The following TERF2IP variants were observed in gnomAD, a reference collection of about 807,000 sequenced individuals.
TERF2IP encodes the protein telomeric repeat-binding factor 2-interacting protein 1.
Under a neutral mutation model 33.3 loss-of-function variants are expected in TERF2IP, and 35 were observed. The observed-to-expected ratio is 1.05, with a 90% CI of 0.80 to 1.39. The LOEUF (loss-of-function observed/expected upper bound fraction) is 1.39, where lower values mean the gene tolerates loss of function less well. Among genes scored for constraint, TERF2IP ranks in the 40% most tolerant of loss-of-function variants. The pLI is 0.00. For synonymous variants in TERF2IP, 253 were observed against 223.2 expected, an observed-to-expected ratio of 1.13 and a Z score of -1.19; for missense variants, 583 against 524.8, an observed-to-expected ratio of 1.11 and a Z score of -1.08.
chr16:75,654,084 G>T (rs1385286811), intron 1 of TERF2IP, among the ~76,000 whole-genome samples, 189 bp from the exon 2 acceptor site: 1 of 150,182 alleles, frequency 6.7e-6, no homozygotes, highest in Non-Finnish European at 1.5e-5. Context: ...CATAGAAATG[G>T]GTGAATGAGC....
Position 75,656,044 on chromosome 16 carries a change from A to G in TERF2IP, c.796-163A>G, listed in dbSNP as rs1252037445. On this transcript the variant is annotated intron_variant, in intron 2 of 2. Coordinates refer to ENST00000300086, the MANE Select transcript of TERF2IP (RefSeq NM_018975.4). Reference sequence around the variant, plus strand: ...GTGTACATATACATACACATCTGACATGAATAAATGTAAGAAGGAACACAG... The same window carrying G: ...GTGTACATATACATACACATCTGACGTGAATAAATGTAAGAAGGAACACAG... Among the ~76,000 whole-genome samples the G allele has an allele frequency of 2.6e-5, 4 of 152,264 alleles. No homozygotes were observed. The South Asian group carries it at 6.2e-4, about 24-fold the overall frequency.
intron 1 of TERF2IP, among the ~76,000 whole-genome samples, chr16:75,649,126 CAA>C (rs1056672991): frequency 1.3e-5 from 2 of 152,214 alleles, no homozygotes; most frequent in African/African-American, 4.8e-5. Context: ...CTCGGTGTCC[CAA>C]AGTGTTGGGA....
At chr16:75,648,949 C>T (rs1020314618) in intron 1 of TERF2IP, among the ~76,000 whole-genome samples, 5 of 151,980 alleles carry the variant, frequency 3.3e-5, no homozygotes, top group African/African-American at 1.2e-4. Context: ...GCATCCTGGA[C>T]CTCCTGGGCT....
chr16:75,648,761 C>T, intron 1 of TERF2IP: 1 of 1,378,450 alleles, frequency 7.3e-7, no homozygotes, highest in Non-Finnish European at 9.5e-7. Context: ...GTCTCTGTTA[C>T]CTAAGCTGGT....
chr16:75,656,372 T>G lies in TERF2IP; in HGVS notation c.961T>G (p.Leu321Val). The G allele has an allele frequency of 9.9e-6, 16 of 1,614,114 alleles. No homozygotes were observed. The highest frequency in any genetic ancestry group is 1.4e-5 in the Non-Finnish European group (16 of 1,180,010). Residue 321 changes from leucine to valine, a missense_variant, in exon 3 of 3, where the codon TTA becomes GTA. Physicochemically the swap from Leu to Val is conservative, Grantham distance 32. Transcript: ENST00000300086. ...AGCTGCCATTAAGATCATTCGGCAG[T>G]TAATGGAGAAGTTTAACTTGGATCT... ...VGAAIKIIRQLMEKFNLDLST... is the reference protein window; with the variant it reads ...VGAAIKIIRQVMEKFNLDLST...
At chr16:75,649,262 G>T (rs541089103) in intron 1 of TERF2IP, among the ~76,000 whole-genome samples, 2 of 152,262 alleles carry the variant, frequency 1.3e-5, no homozygotes, top group African/African-American at 4.8e-5. Flanking sequence ...ATTCTCTCTT[G>T]GCCGGGCGCG....
intron 1 of TERF2IP, chr16:75,648,808 C>A: frequency 9.8e-7 from 1 of 1,018,282 alleles, no homozygotes; most frequent in Non-Finnish European, 1.3e-6. Flanking sequence ...CCTGCCTCGG[C>A]CACCCAAAGT....
intron 1 of TERF2IP, among the ~76,000 whole-genome samples, chr16:75,651,418 G>A (rs2082346293): frequency 6.6e-6 from 1 of 152,188 alleles, no homozygotes; most frequent in Non-Finnish European, 1.5e-5. Flanking sequence ...ACCGAGTGCG[G>A]TGGCTCATGC....
rs1597190259 is a variant in TERF2IP, at chr16:75,656,470, T to G, written c.1059T>G (p.Gly353=). The G allele has an allele frequency of 6.2e-7, 1 of 1,614,178 alleles. No homozygotes were observed. Among genetic ancestry groups the G allele is most frequent in the Non-Finnish European group, 8.5e-7 (1 of 1,180,030 alleles). The change falls in exon 3 of 3, where the codon GGT becomes GGG. Residue 353 remains glycine, a synonymous_variant. Coordinates refer to ENST00000300086, the MANE Select transcript of TERF2IP (RefSeq NM_018975.4). ...CTACTTCCGCCTTCTTAGCGTCTGG[T>G]CAGAGAGCTGATGGATATCCCATTT... ...LEATSAFLAS[G]QRADGYPIWS...
intron 1 of TERF2IP, among the ~76,000 whole-genome samples, chr16:75,650,749 C>A (rs1244350638): frequency 6.6e-6 from 1 of 152,080 alleles, no homozygotes; most frequent in Non-Finnish European, 1.5e-5. Flanking sequence ...GTTGCCCAGG[C>A]TGGTCTCGAA....
At chr16:75,649,922 G>A (rs1471804861) in intron 1 of TERF2IP, among the ~76,000 whole-genome samples, 3 of 152,178 alleles carry the variant, frequency 2.0e-5, no homozygotes, top group Admixed American at 1.3e-4. Context: ...GTTTAAAGAG[G>A]CATGCTGCTT....
chr16:75,648,141 TGCGTGGAGC>T lies in TERF2IP; in HGVS notation c.262_270del (p.Val88_Arg90del). On this transcript the variant is annotated inframe_deletion, in exon 1 of 3. Transcript: ENST00000300086. ...CATCTCCACGCAGTACATCCTGGAC[TGCGTGGAGC>T]GCAACGAGAGGCTGGAGCTGGAGGC... 1 of 1,563,572 alleles carries T rather than the reference TGCGTGGAGC, an allele frequency of 6.4e-7. No homozygotes were observed. Among genetic ancestry groups the T allele is most frequent in the Non-Finnish European group, 8.6e-7 (1 of 1,156,526 alleles).
chr16:75,655,048 A>G (rs902446224), intron 2 of TERF2IP, among the ~76,000 whole-genome samples: 9 of 117,612 alleles, frequency 7.7e-5, no homozygotes, highest in Non-Finnish European at 1.1e-4. Context: ...GTGGAGTCTC[A>G]CTCTGTCACC....
At position 75,648,144 on chromosome 16, in the gene TERF2IP, G is replaced by T. The variant is rs758270158; in HGVS notation, c.262G>T (p.Val88Leu). 5.1e-6 allele frequency: 8 copies of T among 1,564,216 alleles called. No individual in the cohort carries two copies. Among genetic ancestry groups the T allele is most frequent in the Non-Finnish European group, 6.9e-6 (8 of 1,156,958 alleles). ...FISTQYILDC[V>L]ERNERLELEA... ...CTCCACGCAGTACATCCTGGACTGC[G>T]TGGAGCGCAACGAGAGGCTGGAGCT... Residue 88 changes from valine (V) to leucine (L), a missense_variant, in exon 1 of 3, where the codon GTG becomes TTG. By Grantham distance (32) the Val-to-Leu change is conservative. Transcript: ENST00000300086.
intron 1 of TERF2IP, among the ~76,000 whole-genome samples, chr16:75,649,766 C>T (rs1031856031): frequency 6.6e-6 from 1 of 152,128 alleles, no homozygotes; most frequent in Non-Finnish European, 1.5e-5. Flanking sequence ...TGGAAGGTCT[C>T]TTCCTGGTCT....
intron 2 of TERF2IP, among the ~76,000 whole-genome samples, chr16:75,655,102 C>T (rs533694134): frequency 4.5e-4 from 68 of 152,336 alleles, no homozygotes; most frequent in African/African-American, 1.6e-3. Flanking sequence ...CTGTAGCCTC[C>T]ACCTCCCAGG....
rs1266936735 is a variant in TERF2IP at position 75,648,015 on chromosome 16, C to A, written c.133C>A (p.Leu45Ile). 3 of 1,612,830 alleles carry A rather than the reference C, an allele frequency of 1.9e-6. No homozygotes were observed. The highest frequency in any genetic ancestry group is 1.7e-4 in the Middle Eastern group (1 of 6,060). ...PSPAKRRLSTLILHGGGTVCR... is the reference protein window; with the variant it reads ...PSPAKRRLSTIILHGGGTVCR... Reference sequence around the variant, plus strand: ...CCCGGCCAAGCGTCGGCTGTCGACGCTCATCCTGCACGGCGGCGGCACCGT... The same window carrying A: ...CCCGGCCAAGCGTCGGCTGTCGACGATCATCCTGCACGGCGGCGGCACCGT... The change falls in exon 1 of 3, where the codon CTC becomes ATC. Residue 45 changes from leucine (L) to isoleucine (I), a missense_variant. Coordinates refer to ENST00000300086, the MANE Select transcript of TERF2IP (RefSeq NM_018975.4).
intron 2 of TERF2IP, among the ~76,000 whole-genome samples, 180 bp from the exon 3 acceptor site, chr16:75,656,021 GTACATA>G (rs767204097): frequency 3.4e-4 from 52 of 152,106 alleles, no homozygotes; most frequent in Admixed American, 4.6e-4. Flanking sequence ...ACACACGCGT[GTACATA>G]TACATACACA....
intron 1 of TERF2IP, among the ~76,000 whole-genome samples, chr16:75,650,114 G>C (rs1372013621): frequency 6.6e-6 from 1 of 152,178 alleles, no homozygotes; most frequent in Non-Finnish European, 1.5e-5. Context: ...CAGACATTGT[G>C]GTCCTGCTGG....
Sources: gnomAD v4.1 joint callset for allele counts (sites outside exome capture counted in the v4.1 genomes callset) on GRCh38, gnomAD v4.1.1 for gene constraint, MANE v1.5 for transcripts, NCBI Gene and HGNC (gene_info 2026-07-23, HGNC 2026-07-21) for gene names.